NEBL: variants seen among roughly 807,000 people sequenced by gnomAD.
NEBL encodes LIM and SH3 protein 2.
In NEBL, 122 loss-of-function variants were observed where a neutral mutation model predicts 140.2. That is an observed-to-expected ratio of 0.87 (90% CI 0.75 to 1.01). The LOEUF is 1.01. Ranked by LOEUF, NEBL falls within the 50% of genes least tolerant of loss-of-function variation. The pLI is 0.00. For missense variants in NEBL, 1,365 were observed against 1,231.3 expected, an observed-to-expected ratio of 1.11 and a Z score of -1.62; for synonymous variants, 436 against 398.9, an observed-to-expected ratio of 1.09 and a Z score of -1.11.
rs71390799 is a variant in NEBL, at chr10:20,923,666, CAAAAAAAAAAAAA to C, written c.357+37993_357+38005del. Among the ~76,000 whole-genome samples, 24 of 28,368 alleles carry C rather than the reference CAAAAAAAAAAAAA, an allele frequency of 8.5e-4. 1 individual carries two copies. Among genetic ancestry groups the C allele is most frequent in the Admixed American group, 3.7e-3 (6 of 1,600 alleles). The allele number at this position is 28,368 out of a possible 152,430, so 18.6% of individuals were successfully genotyped here. On this transcript the variant is annotated intron_variant, in intron 4 of 6. Coordinates refer to the NEBL transcript ENST00000417816. ...TGCACTCCAGAGCAAGACTCCGTCT[CAAAAAAAAAAAAA>C]AAAAAAAAAAAAAAAAAGAAATGGT...
intron 2 of NEBL, among the ~76,000 whole-genome samples, chr10:21,039,329 G>A (rs1209368656): frequency 6.6e-6 from 1 of 151,998 alleles, no homozygotes; most frequent in Non-Finnish European, 1.5e-5. Flanking sequence ...GTATTGCCTA[G>A]GTTTTCTTCT....
chr10:21,104,422 A>G (rs1469948055), intron 2 of NEBL, among the ~76,000 whole-genome samples: 2 of 152,152 alleles, frequency 1.3e-5, no homozygotes, highest in African/African-American at 4.8e-5. Flanking sequence ...AACATTTTGT[A>G]GTTTCCAGTG....
chr10:20,913,414 A>G (rs1448401510), intron 4 of NEBL, among the ~76,000 whole-genome samples: 4 of 152,208 alleles, frequency 2.6e-5, no homozygotes, highest in Non-Finnish European at 5.9e-5. Flanking sequence ...CAAAAACCAG[A>G]CCACTTTAAT....
chr10:20,929,422 C>A (rs888752038), intron 4 of NEBL, among the ~76,000 whole-genome samples: 8 of 152,078 alleles, frequency 5.3e-5, no homozygotes, highest in African/African-American at 1.9e-4. Context: ...GTTAAAAGGA[C>A]AAAAGTTGAA....
intron 3 of NEBL, among the ~76,000 whole-genome samples, chr10:21,191,833 A>G (rs551445236): frequency 6.6e-6 from 1 of 152,226 alleles, no homozygotes; most frequent in East Asian, 1.9e-4. Flanking sequence ...CTTTCCCACA[A>G]AGCATTTGAT....
chr10:21,016,596 G>A (rs1427614690), intron 3 of NEBL, among the ~76,000 whole-genome samples: 1 of 152,150 alleles, frequency 6.6e-6, no homozygotes, highest in African/African-American at 2.4e-5. Context: ...AAGAGAACTG[G>A]TTTTAACCAG....
chr10:20,914,890 C>G (rs1242696672), intron 4 of NEBL, among the ~76,000 whole-genome samples: 1 of 151,290 alleles, frequency 6.6e-6, no homozygotes, highest in African/African-American at 2.4e-5. Context: ...CGGAGTCTCA[C>G]TCTGTCACCC....
rs201103536 is a variant in NEBL, at chr10:20,840,822, C to A, written c.1255G>T (p.Glu419Ter). ...EKEYKKDLEN[E>*]IKGKGMELNS... ...AGTTCCATTCCTTTCCCTTTTATCT[C>A]ATTTTCCAAATCTTTTTTATATTCT... Residue 419 changes from glutamate to a stop codon, truncating the protein, a stop_gained, in exon 13 of 28, where the codon GAG (glutamate) becomes TAG (stop). Transcript: ENST00000377122. LOFTEE classifies it high-confidence loss of function. The A allele has an allele frequency of 4.5e-5, 72 of 1,602,624 alleles. No individual in the cohort carries two copies. The highest frequency in any genetic ancestry group is 6.0e-6 in the Non-Finnish European group (7 of 1,170,816).
intron 4 of NEBL, among the ~76,000 whole-genome samples, chr10:20,941,597 G>A (rs939045671): frequency 4.6e-5 from 7 of 150,708 alleles, no homozygotes; most frequent in South Asian, 4.2e-4. Context: ...AATCAGGCAG[G>A]AGAAGGAAAT....
chr10:20,894,691 G>A (rs1312252133), intron 2 of NEBL, among the ~76,000 whole-genome samples: 2 of 148,786 alleles, frequency 1.3e-5, no homozygotes, highest in African/African-American at 5.0e-5. Context: ...GAGGCGGGCA[G>A]ATCACGAGGT....
intron 6 of NEBL, 83 bp downstream of exon 6, chr10:20,869,657 A>C: frequency 7.9e-6 from 7 of 886,464 alleles, no homozygotes; most frequent in African/African-American, 1.6e-5. Flanking sequence ...TAATTAAATG[A>C]ACCATCCAAC....
At chr10:21,116,105 CT>C (rs1015528527) in intron 2 of NEBL, among the ~76,000 whole-genome samples, 13 of 151,646 alleles carry the variant, frequency 8.6e-5, no homozygotes, top group South Asian at 4.2e-4. Flanking sequence ...TTATCATACT[CT>C]TTTTTTTTCC....
intron 4 of NEBL, among the ~76,000 whole-genome samples, chr10:20,924,468 G>A (rs912614084): frequency 1.1e-4 from 14 of 133,114 alleles, no homozygotes; most frequent in East Asian, 2.3e-4. Flanking sequence ...TTTGCACTTC[G>A]TTCACCAAAA....
chr10:20,936,854 T>A (rs1834518326), intron 4 of NEBL, among the ~76,000 whole-genome samples: 1 of 152,238 alleles, frequency 6.6e-6, no homozygotes, highest in Non-Finnish European at 1.5e-5. Flanking sequence ...CTTGGGTCGA[T>A]TCCTTTTCAG....
chr10:21,269,681 T>C (rs994272482), intron 1 of NEBL, among the ~76,000 whole-genome samples: 4 of 152,236 alleles, frequency 2.6e-5, no homozygotes, highest in Non-Finnish European at 5.9e-5. Context: ...CATCAGGCTG[T>C]CCATACTGGC....
At chr10:21,129,577 A>T (rs1303857231) in intron 2 of NEBL, among the ~76,000 whole-genome samples, 4 of 152,146 alleles carry the variant, frequency 2.6e-5, no homozygotes. Flanking sequence ...GAAATGGATG[A>T]CAAAAAGGAA....
chr10:21,025,778 C>T (rs1156342721), intron 2 of NEBL, among the ~76,000 whole-genome samples: 1 of 152,102 alleles, frequency 6.6e-6, no homozygotes, highest in African/African-American at 2.4e-5. Context: ...TCTCTGGCCT[C>T]AACTTTCTCA....
intron 3 of NEBL, among the ~76,000 whole-genome samples, chr10:21,238,111 A>G (rs1408507893): frequency 6.6e-6 from 1 of 152,152 alleles, no homozygotes; most frequent in African/African-American, 2.4e-5. Flanking sequence ...TTCTGGTCTG[A>G]TTTTACCTGG....
At chr10:21,201,053 C>A (rs1527046) in intron 3 of NEBL, among the ~76,000 whole-genome samples, 1 of 151,836 alleles carries the variant, frequency 6.6e-6, no homozygotes, top group African/African-American at 2.4e-5. Context: ...TGCACCCAGC[C>A]TGAGTGACAG....
Sources: allele counts gnomAD v4.1 joint callset (sites outside exome capture counted in the v4.1 genomes callset), GRCh38; gene constraint gnomAD v4.1.1; transcripts MANE v1.5; gene names NCBI Gene and HGNC (gene_info 2026-07-23, HGNC 2026-07-21).